The following ST8SIA6 variants were observed in gnomAD, a reference collection of about 807,000 sequenced individuals.
ST8SIA6 encodes the protein ST8 alpha-N-acetyl-neuraminide alpha-2,8-sialyltransferase 6, also known as alpha-2,8-sialyltransferase 8F.
Under a neutral mutation model 33.6 loss-of-function variants are expected in ST8SIA6, and 39 were observed. The observed-to-expected ratio is 1.16, with a 90% CI of 0.90 to 1.52. The LOEUF (loss-of-function observed/expected upper bound fraction) is 1.52. Ranked by LOEUF, ST8SIA6 falls within the 40% of genes most tolerant of loss-of-function variation. The pLI is 0.00. For missense variants in ST8SIA6, 441 were observed against 443.8 expected (o/e 0.99, Z 0.06); for synonymous variants, 172 against 167.2 (o/e 1.03, Z -0.22).
At chr10:17,437,662 C>CT (rs1588925214) in intron 2 of ST8SIA6, among the ~76,000 whole-genome samples, 1,445 of 109,230 alleles carry the variant, frequency 0.013, 41 homozygotes, top group African/African-American at 0.041. Context: ...TCCTTCCTTC[C>CT]TTCTGTCTCT....
intron 3 of ST8SIA6, among the ~76,000 whole-genome samples, chr10:17,384,617 C>T (rs566558263): frequency 7.9e-5 from 12 of 152,278 alleles, no homozygotes; most frequent in African/African-American, 2.2e-4. Context: ...TTCTTGGCTG[C>T]AAGTCTTCAA....
At chr10:17,443,160 A>G (rs188433174) in intron 2 of ST8SIA6, among the ~76,000 whole-genome samples, 48 of 152,314 alleles carry the variant, frequency 3.2e-4, no homozygotes, top group African/African-American at 1.1e-3. Context: ...AAATATAAAT[A>G]TGTAGGATAT....
chr10:17,405,739 G>C (rs901556762), intron 2 of ST8SIA6, among the ~76,000 whole-genome samples: 1 of 151,532 alleles, frequency 6.6e-6, no homozygotes, highest in Non-Finnish European at 1.5e-5. Context: ...AAACTTAGCC[G>C]GGCGTGGTAG....
intron 2 of ST8SIA6, among the ~76,000 whole-genome samples, chr10:17,402,186 C>T (rs1033761821): frequency 1.3e-5 from 2 of 152,188 alleles, no homozygotes; most frequent in African/African-American, 4.8e-5. Flanking sequence ...AAATGCTCAT[C>T]ATCACTGGCC....
At chr10:17,390,268 C>T (rs1406103482) in intron 3 of ST8SIA6, among the ~76,000 whole-genome samples, 4 of 152,160 alleles carry the variant, frequency 2.6e-5, no homozygotes, top group African/African-American at 9.7e-5. Context: ...CAGCCATGAG[C>T]CACCGCACCT....
intron 2 of ST8SIA6, among the ~76,000 whole-genome samples, chr10:17,392,048 A>G (rs191262830): frequency 8.5e-4 from 130 of 152,348 alleles, no homozygotes; most frequent in African/African-American, 3.1e-3. Flanking sequence ...TCCTGAAGGT[A>G]TTCGTTGATA....
rs1847752444 is a variant in ST8SIA6 at position 17,315,744 on chromosome 10, T to G, written c.*5134A>C. ...GAATTTTCTGGGGACGAGGGTGGGA[T>G]GGACAGGGAGGAAGAAGAGGGAGGG... On this transcript the variant is annotated 3_prime_UTR_variant, in exon 8 of 8. Transcript: ENST00000377602. Among the ~76,000 whole-genome samples the G allele has an allele frequency of 6.6e-6, 1 of 151,830 alleles. No homozygotes were observed. Among genetic ancestry groups the G allele is most frequent in the Non-Finnish European group, 1.5e-5 (1 of 67,852 alleles).
intron 3 of ST8SIA6, among the ~76,000 whole-genome samples, chr10:17,383,737 A>C (rs551187799): frequency 5.3e-5 from 8 of 152,318 alleles, no homozygotes; most frequent in African/African-American, 1.9e-4. Context: ...ACTCATGGAG[A>C]GCTAAAATAT....
intron 4 of ST8SIA6, among the ~76,000 whole-genome samples, chr10:17,351,152 T>G (rs1849017854): frequency 6.6e-6 from 1 of 152,012 alleles, no homozygotes; most frequent in South Asian, 2.1e-4. Flanking sequence ...TCAGTCCATG[T>G]CTTCATCACT....
chr10:17,405,711 G>C (rs1851230280), intron 2 of ST8SIA6, among the ~76,000 whole-genome samples: 1 of 151,418 alleles, frequency 6.6e-6, no homozygotes, highest in African/African-American at 2.4e-5. Context: ...GCAAAACCCT[G>C]TCTCTACTAA....
At chr10:17,422,672 C>G (rs534020938) in intron 2 of ST8SIA6, among the ~76,000 whole-genome samples, 1 of 152,256 alleles carries the variant, frequency 6.6e-6, no homozygotes, top group South Asian at 2.1e-4. Context: ...TGTAAAAAAA[C>G]TATTTTACTG....
At chr10:17,426,655 G>A (rs552894657) in intron 2 of ST8SIA6, among the ~76,000 whole-genome samples, 2 of 152,304 alleles carry the variant, frequency 1.3e-5, no homozygotes, top group Admixed American at 1.3e-4. Flanking sequence ...AAGCACTTTC[G>A]TTGTAAGACC....
intron 2 of ST8SIA6, among the ~76,000 whole-genome samples, chr10:17,446,927 A>T (rs971661035): frequency 1.3e-5 from 2 of 148,592 alleles, no homozygotes; most frequent in African/African-American, 4.9e-5. Context: ...TGCTGCCTGT[A>T]TTCCCAGCTA....
At position 17,320,547 on chromosome 10, in the gene ST8SIA6, G is replaced by A. The variant is rs112127099; in HGVS notation, c.*331C>T. 17 of 254,228 alleles carry A rather than the reference G, an allele frequency of 6.7e-5. No homozygotes were observed. Among genetic ancestry groups the A allele is most frequent in the South Asian group, 2.6e-4 (4 of 15,560 alleles). 15.7% of individuals were successfully genotyped at this position (254,228 alleles called of 1,614,324 possible). A position where few individuals can be genotyped will look rare whatever the true frequency, so the allele number is the denominator to read the frequency against. On this transcript the variant is annotated 3_prime_UTR_variant, in exon 8 of 8. Coordinates refer to ENST00000377602, the MANE Select transcript of ST8SIA6 (RefSeq NM_001004470.3). ...TCCAAGAAAGCATGCTTTTATTATC[G>A]GTCTGGTGAAGGTGGAGATGGCTGG...
intron 2 of ST8SIA6, chr10:17,407,904 A>C (rs1361204212): frequency 6.6e-6 from 1 of 152,514 alleles, no homozygotes; most frequent in Non-Finnish European, 1.5e-5. Context: ...GTCCATTTGA[A>C]AGCTACAAAA....
At position 17,348,440 on chromosome 10, in the gene ST8SIA6, C is replaced by A. The variant is rs572615599; in HGVS notation, c.377+11074G>T. Among the ~76,000 whole-genome samples, 56 of 152,240 alleles carry A rather than the reference C, an allele frequency of 3.7e-4. No homozygotes were observed. The South Asian group carries it at 1.0e-2, about 27-fold the overall frequency. On this transcript the variant is annotated intron_variant, in intron 4 of 7. Coordinates refer to ENST00000377602, the MANE Select transcript of ST8SIA6 (RefSeq NM_001004470.3). ...AAAGGTCTCATTATTTCATGAACTT[C>A]AATTTACCAGGCCAAGTCCTAACTG... is the stretch of plus-strand genomic sequence containing the variant.
intron 4 of ST8SIA6, among the ~76,000 whole-genome samples, chr10:17,343,840 G>C (rs1335086038): frequency 6.6e-6 from 1 of 152,152 alleles, no homozygotes; most frequent in Admixed American, 6.5e-5. Context: ...AAAGGGAAAC[G>C]TATTTGAAGC....
chr10:17,316,448 C>T lies in ST8SIA6; in HGVS notation c.*4430G>A, dbSNP rs923431192. 2.0e-5 allele frequency among the ~76,000 whole-genome samples: 3 copies of T among 152,082 alleles called. No individual in the cohort carries two copies. Reference sequence around the variant, plus strand: ...AGTCCAATTTGTCTACTTACTACCGCAAACCATAATGGAATAAATACCTTA... The same window carrying T: ...AGTCCAATTTGTCTACTTACTACCGTAAACCATAATGGAATAAATACCTTA... On this transcript the variant is annotated 3_prime_UTR_variant, in exon 8 of 8. Coordinates refer to ENST00000377602, the MANE Select transcript of ST8SIA6 (RefSeq NM_001004470.3).
At chr10:17,404,297 G>A (rs555426528) in intron 2 of ST8SIA6, among the ~76,000 whole-genome samples, 67 of 152,244 alleles carry the variant, frequency 4.4e-4, no homozygotes, top group Non-Finnish European at 7.6e-4. Flanking sequence ...TGGAAGTGGA[G>A]TGGAGTTTTG....
Sources: gnomAD v4.1 joint callset for allele counts (sites outside exome capture counted in the v4.1 genomes callset) on GRCh38, gnomAD v4.1.1 for gene constraint, MANE v1.5 for transcripts, NCBI Gene and HGNC (gene_info 2026-07-23, HGNC 2026-07-21) for gene names.